Variants in MME observed in about 807,000 individuals in gnomAD.
The protein encoded by MME is neprilysin.
A neutral mutation model predicts 113.2 loss-of-function variants in MME; 98 were observed. That is an observed-to-expected ratio of 0.87 (90% CI 0.74 to 1.02). The LOEUF (loss-of-function observed/expected upper bound fraction) is 1.02, where lower values mean the gene tolerates loss of function less well. MME is among the 50% of genes least tolerant of loss of function. MME has a pLI of 0.00. For synonymous variants in MME, 292 were observed against 300.6 expected, an observed-to-expected ratio of 0.97 and a Z score of 0.30; for missense variants, 836 against 896.0, an observed-to-expected ratio of 0.93 and a Z score of 0.86.
chr3:155,058,243 G>A (rs1464334622), intron 1 of MME, among the ~76,000 whole-genome samples: 1 of 152,182 alleles, frequency 6.6e-6, no homozygotes, highest in African/African-American at 2.4e-5. Context: ...AATTCGATCA[G>A]TTCAGGTCCA....
chr3:155,088,125 T>A (rs541289697), intron 3 of MME, among the ~76,000 whole-genome samples: 1 of 152,236 alleles, frequency 6.6e-6, no homozygotes, highest in East Asian at 1.9e-4. Context: ...ACATTGGTAG[T>A]TACTATTCTT....
intron 16 of MME, among the ~76,000 whole-genome samples, chr3:155,154,829 C>T (rs569081855): frequency 3.3e-5 from 5 of 152,054 alleles, no homozygotes; most frequent in African/African-American, 4.8e-5. Flanking sequence ...GGCGGAGCAC[C>T]GGACACTTGA....
Position 155,142,146 on chromosome 3 carries a change from C to T in MME, c.1094+19C>T. The stretch of plus-strand genomic sequence containing the variant: ...CTGCCAGGTAGGTATGTCACAGTCC[C>T]CATGTCCTCAAAGTTTGCATTTCAT... On this transcript the variant is annotated intron_variant, in intron 11 of 22. Coordinates refer to ENST00000360490, the MANE Select transcript of MME (RefSeq NM_007289.4). The T allele has an allele frequency of 6.2e-7, 1 of 1,613,728 alleles. No individual in the cohort carries two copies. The highest frequency in any genetic ancestry group is 8.5e-7 in the Non-Finnish European group (1 of 1,179,726).
At chr3:155,080,860 G>A (rs1037774289) in intron 1 of MME, 3 of 152,144 alleles carry the variant, frequency 2.0e-5, no homozygotes, top group African/African-American at 7.2e-5. Context: ...TCGGCAAATC[G>A]ACTGTATGAA....
At chr3:155,035,555 G>A (rs1162845034) in intron 1 of MME, among the ~76,000 whole-genome samples, 1 of 152,100 alleles carries the variant, frequency 6.6e-6, no homozygotes, top group Non-Finnish European at 1.5e-5. Context: ...ATATGAAATG[G>A]TCAGGGAAGG....
intron 3 of MME, among the ~76,000 whole-genome samples, chr3:155,109,460 CA>C (rs1717986283): frequency 6.6e-6 from 1 of 152,140 alleles, no homozygotes; most frequent in African/African-American, 2.4e-5. Context: ...AACACTTTAC[CA>C]GCCAATTATA....
chr3:155,048,093 A>G lies in MME; in HGVS notation c.-11+23769A>G, dbSNP rs113743105. The stretch of plus-strand genomic sequence containing the variant: ...TGCATGGAGATCAAAGCTCCGTCCC[A>G]TTTTGAAACCTCTGTTATGTGCTAA... On this transcript the variant is annotated intron_variant, in intron 1 of 22. Transcript: ENST00000492661. Among the ~76,000 whole-genome samples, 14 of 152,302 alleles carry G rather than the reference A, an allele frequency of 9.2e-5. 1 individual carries two copies. Among genetic ancestry groups the G allele is most frequent in the African/African-American group, 3.1e-4 (13 of 41,580 alleles).
intron 1 of MME, among the ~76,000 whole-genome samples, chr3:155,055,890 G>A (rs1713910233): frequency 6.6e-6 from 1 of 152,070 alleles, no homozygotes; most frequent in African/African-American, 2.4e-5. Flanking sequence ...GAATTATAGG[G>A]TTTTTGTATT....
intron 1 of MME, among the ~76,000 whole-genome samples, chr3:155,083,288 T>C (rs1390280595): frequency 1.3e-5 from 2 of 152,318 alleles, no homozygotes; most frequent in East Asian, 3.9e-4. Flanking sequence ...CCTAATTCTT[T>C]ATTCTATTCT....
chr3:155,172,384 T>G, intron 21 of MME, 152 bp from the exon 22 acceptor site: 1 of 800,968 alleles, frequency 1.2e-6, no homozygotes, highest in Non-Finnish European at 2.2e-6. Flanking sequence ...ACTATGTTCC[T>G]GGTTGCCTTT....
At chr3:155,077,681 C>T (rs1054956680), upstream of MME, among the ~76,000 whole-genome samples, 1 of 151,932 alleles carries the variant, frequency 6.6e-6, no homozygotes, top group African/African-American at 2.4e-5. Context: ...TAGAGACCAG[C>T]CTGGGCAACA....
intron 8 of MME, among the ~76,000 whole-genome samples, chr3:155,131,673 G>T (rs974249746): frequency 1.3e-5 from 2 of 152,134 alleles, no homozygotes; most frequent in Non-Finnish European, 2.9e-5. Context: ...GCCCCAAACA[G>T]TCCCTATGCT....
intron 8 of MME, among the ~76,000 whole-genome samples, chr3:155,128,144 A>G (rs1431713867): frequency 6.6e-6 from 1 of 152,250 alleles, no homozygotes; most frequent in African/African-American, 2.4e-5. Context: ...GCATAAAAAT[A>G]AAAGTTACAT....
chr3:155,138,341 G>C (rs1414790147), intron 9 of MME, 105 bp downstream of exon 9: 8 of 1,208,602 alleles, frequency 6.6e-6, no homozygotes, highest in Non-Finnish European at 9.6e-6. Context: ...CTTTAACCAA[G>C]TAGTAAAAAT....
intron 5 of MME, 48 bp downstream of exon 5, chr3:155,116,607 T>TATATATA (rs10664276): frequency 1.5e-3 from 2,179 of 1,436,214 alleles, no homozygotes; most frequent in Admixed American, 2.7e-3. Flanking sequence ...TATATATATA[T>TATATATA]TGGTGCCAAA....
intron 7 of MME, among the ~76,000 whole-genome samples, chr3:155,117,448 G>A (rs1047227235): frequency 6.6e-6 from 1 of 151,998 alleles, no homozygotes; most frequent in Non-Finnish European, 1.5e-5. Context: ...TCAACTAAAG[G>A]TAAATAAAAT....
Position 155,172,071 on chromosome 3 carries a change from C to G in MME, c.1981-46C>G, listed in dbSNP as rs1420075312. 4 of 1,114,980 alleles carry G rather than the reference C, an allele frequency of 3.6e-6. No homozygotes were observed. The African/African-American group carries it at 4.7e-5, about 13-fold the overall frequency. The allele number at this position is 1,114,980 out of a possible 1,614,324, so 69.1% of individuals were successfully genotyped here. On this transcript the variant is annotated intron_variant, in intron 20 of 22. Transcript: ENST00000360490. ...ATCTTTTACATAGGTTTATATATAACCTTAGGAATTAATATTATTGTTTTT... is the reference window on the plus strand; with the variant it reads ...ATCTTTTACATAGGTTTATATATAAGCTTAGGAATTAATATTATTGTTTTT...
In MME at chr3:155,160,412, G is replaced by C. The variant is rs746784538; in HGVS notation, c.1624G>C (p.Val542Leu). The C allele has an allele frequency of 6.2e-7, 1 of 1,608,232 alleles. No homozygotes were observed. The highest frequency in any genetic ancestry group is 8.5e-7 in the Non-Finnish European group (1 of 1,175,042). The stretch of plus-strand genomic sequence containing the variant: ...CAGGTGGATAAGTGGAGCAGCTGTA[G>C]TCAATGCATTTTACTCTTCAGGAAG... ...KDEWISGAAVVNAFYSSGRNQ... is the reference protein window; with the variant it reads ...KDEWISGAAVLNAFYSSGRNQ... The change falls in exon 17 of 23, where the codon GTC (valine) becomes CTC (leucine). Residue 542 changes from valine to leucine, a missense_variant. By Grantham distance (32) the Val-to-Leu change is conservative (BLOSUM62 1). Transcript: ENST00000360490.
At chr3:155,134,540 T>C (rs1288962798) in intron 8 of MME, among the ~76,000 whole-genome samples, 2 of 152,186 alleles carry the variant, frequency 1.3e-5, no homozygotes, top group Admixed American at 6.5e-5. Flanking sequence ...CAGTCTACCA[T>C]TGATGATTCT....
Sources: allele counts gnomAD v4.1 joint callset (sites outside exome capture counted in the v4.1 genomes callset), GRCh38; gene constraint gnomAD v4.1.1; transcripts MANE v1.5; gene names NCBI Gene and HGNC (gene_info 2026-07-23, HGNC 2026-07-21).